TNRC6C: variants seen among roughly 807,000 people sequenced by gnomAD.
TNRC6C encodes trinucleotide repeat containing adaptor 6C.
TNRC6C carries 20 observed loss-of-function variants against 153.7 expected under a neutral mutation model. That is an observed-to-expected ratio of 0.13 (90% CI 0.09 to 0.19). The LOEUF is 0.19. Among genes scored for constraint, TNRC6C ranks in the 10% least tolerant of loss-of-function variants. TNRC6C has a pLI of 1.00. For synonymous variants in TNRC6C, 811 were observed against 841.4 expected (o/e 0.96, Z 0.63); for missense variants, 1,987 against 2,172.0 (o/e 0.91, Z 1.69).
intron 2 of TNRC6C, among the ~76,000 whole-genome samples, chr17:78,045,369 A>G (rs2072387129): frequency 6.6e-6 from 1 of 151,984 alleles, no homozygotes; most frequent in Non-Finnish European, 1.5e-5. Flanking sequence ...GCTATTGGGG[A>G]TGGATATTGG....
At chr17:78,030,915 A>G (rs1448282494) in intron 1 of TNRC6C, among the ~76,000 whole-genome samples, 1 of 152,060 alleles carries the variant, frequency 6.6e-6, no homozygotes, top group Non-Finnish European at 1.5e-5. Context: ...CCTGGCCAAC[A>G]TGGTGAAACC....
Position 78,104,940 on chromosome 17 carries a change from C to A in TNRC6C, c.*95C>A. 7.3e-7 allele frequency: 1 copy of A among 1,363,282 alleles called. No homozygotes were observed. Among genetic ancestry groups the A allele is most frequent in the Non-Finnish European group, 9.4e-7 (1 of 1,061,384 alleles). 84.4% of individuals were successfully genotyped at this position (1,363,282 alleles called of 1,614,324 possible). On this transcript the variant is annotated 3_prime_UTR_variant, in exon 20 of 20. Coordinates refer to ENST00000301624, the Ensembl canonical transcript of TNRC6C. The surrounding 1 kb of genome is among the most constrained non-coding windows in gnomAD (Gnocchi z 6.2). ...ACCCGCTGGAACCCAGCAGCGGCCGCCCTTTTGAGTACCTCTGTCCAGGAC... is the reference window on the plus strand; with the variant it reads ...ACCCGCTGGAACCCAGCAGCGGCCGACCTTTTGAGTACCTCTGTCCAGGAC...
In TNRC6C at chr17:78,051,457, G is replaced by A. The variant is rs1488980966; in HGVS notation, c.2395G>A (p.Val799Ile). The change falls in exon 3 of 20, where the codon GTT (valine) becomes ATT (isoleucine). Residue 799 changes from valine (V) to isoleucine (I), a missense_variant and splice_region_variant. By Grantham distance (29) the Val-to-Ile change is conservative. Transcript: ENST00000301624. ...ACCGTTGCTTGGTCCAGGTAGGAAA[G>A]GTATTTCATGTTTCTTTACAAGTAA... is the stretch of plus-strand genomic sequence containing the variant. 3.1e-6 allele frequency: 4 copies of A among 1,308,756 alleles called. No homozygotes were observed. The highest frequency in any genetic ancestry group is 3.0e-5 in the East Asian group (1 of 33,822). 81.1% of individuals were successfully genotyped at this position (1,308,756 alleles called of 1,614,324 possible).
chr17:77,999,309 C>T (rs908748729), upstream of TNRC6C, among the ~76,000 whole-genome samples: 1 of 152,194 alleles, frequency 6.6e-6, no homozygotes, highest in East Asian at 1.9e-4. Flanking sequence ...CCTGCTACAG[C>T]ATGGCTGTGA....
intron 1 of TNRC6C, among the ~76,000 whole-genome samples, chr17:77,996,013 C>T (rs112041897): frequency 0.028 from 4,206 of 152,208 alleles, 178 homozygotes; most frequent in African/African-American, 0.096. Flanking sequence ...TTCGAGGCTG[C>T]AGTGAGCTGT....
chr17:78,068,567 G>T (rs1334648337), intron 5 of TNRC6C, among the ~76,000 whole-genome samples: 2 of 152,190 alleles, frequency 1.3e-5, no homozygotes, highest in Non-Finnish European at 2.9e-5. Flanking sequence ...GCCAAAGTGG[G>T]TGGATCACTT....
At chr17:77,966,981 T>A (rs898635865) in intron 1 of TNRC6C, among the ~76,000 whole-genome samples, 1 of 152,218 alleles carries the variant, frequency 6.6e-6, no homozygotes, top group Non-Finnish European at 1.5e-5. Flanking sequence ...CTAGAATTTT[T>A]AAATTTTAGG....
At chr17:78,050,369 G>T (rs1471717970) in exon 3 of TNRC6C, 1 of 1,613,224 alleles carries the variant, frequency 6.2e-7, no homozygotes, top group East Asian at 2.2e-5. Flanking sequence ...CAGTTGCCAA[G>T]GAATGATCTT....
intron 10 of TNRC6C, among the ~76,000 whole-genome samples, chr17:78,080,521 G>GCCTA (rs1307580724): frequency 2.0e-5 from 3 of 152,162 alleles, no homozygotes; most frequent in African/African-American, 4.8e-5. Flanking sequence ...TGGCTCTGAG[G>GCCTA]CCTAATATAT....
At chr17:78,093,306 C>G (rs1209600274) in intron 15 of TNRC6C, 182 bp downstream of exon 17, 2 of 769,014 alleles carry the variant, frequency 2.6e-6, no homozygotes, top group Non-Finnish European at 4.1e-6. Context: ...TGGTTAGCAT[C>G]AGGCATTTTT....
At chr17:77,990,020 C>T (rs1567903486) in intron 1 of TNRC6C, among the ~76,000 whole-genome samples, 1 of 152,220 alleles carries the variant, frequency 6.6e-6, no homozygotes, top group African/African-American at 2.4e-5. Context: ...ATCTCAAACG[C>T]GAGGTGTCCT....
intron 3 of TNRC6C, among the ~76,000 whole-genome samples, chr17:78,052,739 C>T (rs760941111): frequency 6.6e-6 from 1 of 151,650 alleles, no homozygotes; most frequent in Non-Finnish European, 1.5e-5. Context: ...CTCCAGCCTC[C>T]TCGTAGACTT....
intron 3 of TNRC6C, among the ~76,000 whole-genome samples, chr17:78,063,359 T>G (rs1208045471): frequency 6.6e-6 from 1 of 151,832 alleles, no homozygotes; most frequent in Non-Finnish European, 1.5e-5. Context: ...GTCTTCATCC[T>G]CATCATCTTC....
At chr17:78,102,391 C>A in intron 17 of TNRC6C, 83 bp from the exon 21 acceptor site, 1 of 1,309,244 alleles carries the variant, frequency 7.6e-7, no homozygotes, top group South Asian at 1.3e-5. Flanking sequence ...CTGTCCCACA[C>A]TTCAGCACAA....
intron 1 of TNRC6C, among the ~76,000 whole-genome samples, chr17:77,994,204 G>C (rs1379026684): frequency 6.6e-6 from 1 of 151,982 alleles, no homozygotes; most frequent in South Asian, 2.1e-4. Context: ...AAATAAAAAA[G>C]AAACTATTTA....
At chr17:78,019,775 A>C (rs931295102) in intron 1 of TNRC6C, among the ~76,000 whole-genome samples, 5 of 152,226 alleles carry the variant, frequency 3.3e-5, no homozygotes, top group African/African-American at 1.2e-4. Context: ...CTGCTGCATG[A>C]AAATGCTGAT....
chr17:78,106,880 A>C (rs984862205), exon 20 of TNRC6C: 6 of 149,700 alleles, frequency 4.0e-5, no homozygotes, highest in African/African-American at 1.5e-4. Flanking sequence ...AAACAAAAAA[A>C]ATACAAAAAA....
chr17:78,038,455 C>T (rs1198463402), intron 2 of TNRC6C, among the ~76,000 whole-genome samples: 7 of 151,838 alleles, frequency 4.6e-5, no homozygotes, highest in Admixed American at 6.6e-5. Flanking sequence ...AGGTGGATCA[C>T]GAGTTCAGGA....
intron 1 of TNRC6C, among the ~76,000 whole-genome samples, chr17:78,011,843 A>C (rs72894039): frequency 0.078 from 11,846 of 152,310 alleles, 624 homozygotes; most frequent in East Asian, 0.18. Flanking sequence ...AATTTTAGCC[A>C]TTCTAATAGG....
Sources: allele counts gnomAD v4.1 joint callset (sites outside exome capture counted in the v4.1 genomes callset), GRCh38; gene constraint gnomAD v4.1.1; non-coding constraint Gnocchi (gnomAD v3.1); transcripts MANE v1.5; gene names NCBI Gene and HGNC (gene_info 2026-07-23, HGNC 2026-07-21).